Variants in TNNI3K observed in about 807,000 individuals in gnomAD.
The protein encoded by TNNI3K is TNNI3 interacting kinase, also known as serine/threonine-protein kinase TNNI3K.
In TNNI3K, 140 loss-of-function variants were observed where a neutral mutation model predicts 114.5. The observed-to-expected ratio is 1.22, with a 90% CI of 1.07 to 1.41. The LOEUF is 1.41. Among genes scored for constraint, TNNI3K ranks in the 40% most tolerant of loss-of-function variants. TNNI3K has a pLI of 0.00. For missense variants in TNNI3K, 1,125 were observed against 1,007.6 expected, an observed-to-expected ratio of 1.12 and a Z score of -1.58; for synonymous variants, 347 against 347.5, an observed-to-expected ratio of 1.00 and a Z score of 0.02.
At chr1:74,470,739 A>G (rs757145907) in intron 21 of TNNI3K, 4 of 400,488 alleles carry the variant, frequency 1.0e-5, no homozygotes, top group African/African-American at 4.1e-5. Context: ...CAAGCTGTGC[A>G]TGACTTGAAT....
chr1:74,364,096 T>C (rs933779803), intron 11 of TNNI3K, among the ~76,000 whole-genome samples: 1 of 150,084 alleles, frequency 6.7e-6, no homozygotes, highest in African/African-American at 2.5e-5. Flanking sequence ...AACTCCTGGG[T>C]TCAAGTGATT....
At chr1:74,257,659 A>AC (rs201261619) in intron 4 of TNNI3K, among the ~76,000 whole-genome samples, 21,426 of 105,662 alleles carry the variant, frequency 0.2, 3,236 homozygotes, top group Non-Finnish European at 0.3. Context: ...CTCTTGGCTT[A>AC]CCTCTTTTTT....
intron 9 of TNNI3K, among the ~76,000 whole-genome samples, chr1:74,345,715 G>A (rs1351639704): frequency 2.0e-5 from 3 of 152,120 alleles, no homozygotes; most frequent in Non-Finnish European, 4.4e-5. Flanking sequence ...TTCATGACTT[G>A]AATGTAGAGT....
At chr1:74,259,214 T>G (rs949435037) in intron 4 of TNNI3K, among the ~76,000 whole-genome samples, 4 of 152,190 alleles carry the variant, frequency 2.6e-5, no homozygotes, top group Non-Finnish European at 5.9e-5. Flanking sequence ...TCCCACGATC[T>G]TCCGTCTATA....
At position 74,458,049 on chromosome 1, in the gene TNNI3K, T is replaced by C. The variant is rs142417851; in HGVS notation, c.2012-5392T>C. Among the ~76,000 whole-genome samples the C allele has an allele frequency of 2.4e-4, 36 of 152,256 alleles. 1 individual carries two copies. In the East Asian group the frequency reaches 6.6e-3, roughly 28 times the overall value. On this transcript the variant is annotated intron_variant, in intron 20 of 24. Coordinates refer to ENST00000326637, the MANE Select transcript of TNNI3K (RefSeq NM_015978.3). The stretch of plus-strand genomic sequence containing the variant: ...CTCTCTAGGTTCAAACCAAAAAGAA[T>C]TGGTAAGACTTTTAGATGTGCAGAT...
intron 7 of TNNI3K, among the ~76,000 whole-genome samples, chr1:74,336,847 G>A (rs554001905): frequency 8.7e-4 from 133 of 152,176 alleles, no homozygotes; most frequent in Non-Finnish European, 1.5e-3. Flanking sequence ...ATGATTTATA[G>A]TCCTTTGGGT....
intron 5 of TNNI3K, among the ~76,000 whole-genome samples, chr1:74,300,002 T>A (rs533894789): frequency 6.6e-6 from 1 of 152,326 alleles, no homozygotes; most frequent in Non-Finnish European, 1.5e-5. Context: ...TTTTCAAAAC[T>A]TTCTAGCTAA....
intron 5 of TNNI3K, among the ~76,000 whole-genome samples, chr1:74,321,440 G>A (rs1434849072): frequency 6.6e-6 from 1 of 151,882 alleles, no homozygotes; most frequent in South Asian, 2.1e-4. Context: ...TTTAGTGAAA[G>A]GATGTTACTT....
chr1:74,376,553 C>T (rs1003984327), intron 17 of TNNI3K: 13 of 151,968 alleles, frequency 8.6e-5, no homozygotes, highest in Non-Finnish European at 1.9e-4. Flanking sequence ...TCCTTGACAA[C>T]CCTGTATCTG....
At chr1:74,360,055 CTTT>C (rs1401346720) in intron 11 of TNNI3K, among the ~76,000 whole-genome samples, 2 of 151,916 alleles carry the variant, frequency 1.3e-5, no homozygotes, top group Admixed American at 1.3e-4. Context: ...AAAAAGTCTT[CTTT>C]ATTTTGCTTA....
intron 7 of TNNI3K, among the ~76,000 whole-genome samples, chr1:74,337,135 G>A (rs1570482419): frequency 6.6e-6 from 1 of 151,806 alleles, no homozygotes; most frequent in African/African-American, 2.4e-5. Context: ...TTTTTTGGCT[G>A]CATAAATGTC....
At chr1:74,464,586 G>A (rs1050113203) in intron 21 of TNNI3K, 1 of 1,521,998 alleles carries the variant, frequency 6.6e-7, no homozygotes, top group African/African-American at 1.4e-5. Context: ...ATAGGCCCCA[G>A]TCCAGATGTT....
intron 21 of TNNI3K, among the ~76,000 whole-genome samples, chr1:74,482,277 A>G (rs1435620319): frequency 6.6e-6 from 1 of 152,184 alleles, no homozygotes; most frequent in Non-Finnish European, 1.5e-5. Context: ...TATTCTCTGT[A>G]TTTATGAAAT....
At chr1:74,275,106 G>A (rs924773976) in intron 5 of TNNI3K, among the ~76,000 whole-genome samples, 2 of 151,952 alleles carry the variant, frequency 1.3e-5, no homozygotes, top group Non-Finnish European at 2.9e-5. Flanking sequence ...AAATAGAAGA[G>A]TTAAGAGTTC....
chr1:74,515,479 A>G (rs766106244), intron 23 of TNNI3K, among the ~76,000 whole-genome samples: 9 of 152,230 alleles, frequency 5.9e-5, no homozygotes, highest in Admixed American at 2.0e-4. Context: ...TAGAAATGAT[A>G]CTAGGAAAGG....
chr1:74,531,515 A>T (rs1646583126), intron 23 of TNNI3K, among the ~76,000 whole-genome samples: 1 of 152,202 alleles, frequency 6.6e-6, no homozygotes, highest in South Asian at 2.1e-4. Flanking sequence ...AAGCATAGAA[A>T]GGCATTTACC....
In TNNI3K at chr1:74,436,534, G is replaced by A. The variant is rs760769780; in HGVS notation, c.1878+8G>A. On this transcript the variant is annotated splice_region_variant and intron_variant, in intron 19 of 24. Transcript: ENST00000326637. Reference sequence around the variant, plus strand: ...ATGACAAAACAACCTGGGGTTTGCTGCTGCTTGTGTTTCCTATAATTATAA... The same window carrying A: ...ATGACAAAACAACCTGGGGTTTGCTACTGCTTGTGTTTCCTATAATTATAA... The A allele has an allele frequency of 1.2e-5, 19 of 1,582,604 alleles. No homozygotes were observed. The East Asian group carries it at 3.9e-4, about 32-fold the overall frequency.
intron 23 of TNNI3K, among the ~76,000 whole-genome samples, chr1:74,508,649 CTG>C (rs1453529130): frequency 6.6e-6 from 1 of 152,172 alleles, no homozygotes; most frequent in East Asian, 1.9e-4. Context: ...TGCACACAAA[CTG>C]AGAAAACCAA....
chr1:74,470,169 A>AT (rs1667854331), intron 21 of TNNI3K: 1 of 400,556 alleles, frequency 2.5e-6, no homozygotes, highest in African/African-American at 2.1e-5. Context: ...AAAGTATTCT[A>AT]TTTTGGGTTT....
Sources: allele counts gnomAD v4.1 joint callset (sites outside exome capture counted in the v4.1 genomes callset), GRCh38; gene constraint gnomAD v4.1.1; transcripts MANE v1.5; gene names NCBI Gene and HGNC (gene_info 2026-07-23, HGNC 2026-07-21).